The following FHIT variants were observed in gnomAD, a reference collection of about 807,000 sequenced individuals.
FHIT encodes the protein fragile histidine triad diadenosine triphosphatase.
A neutral mutation model predicts 17.9 loss-of-function variants in FHIT; 19 were observed. The observed-to-expected ratio is 1.06, with a 90% CI of 0.74 to 1.56. The LOEUF (loss-of-function observed/expected upper bound fraction) is 1.56. Among genes scored for constraint, FHIT ranks in the 40% most tolerant of loss-of-function variants. The pLI, the probability that FHIT is intolerant of heterozygous loss-of-function variation, is 0.00. For synonymous variants in FHIT, 81 were observed against 69.7 expected (o/e 1.16, Z -0.81); for missense variants, 248 against 189.2 (o/e 1.31, Z -1.82).
At chr3:60,420,083 T>C (rs1576626995) in intron 5 of FHIT, among the ~76,000 whole-genome samples, 1 of 152,158 alleles carries the variant, frequency 6.6e-6, no homozygotes, top group African/African-American at 2.4e-5. Context: ...TTATTCTCTC[T>C]TCCCAGACCA....
At chr3:60,829,174 A>G (rs909422276) in intron 3 of FHIT, among the ~76,000 whole-genome samples, 1 of 152,250 alleles carries the variant, frequency 6.6e-6, no homozygotes, top group Non-Finnish European at 1.5e-5. Flanking sequence ...GAAACACCAT[A>G]GTAAAGACAG....
chr3:60,285,117 G>T (rs1707660550), intron 5 of FHIT, among the ~76,000 whole-genome samples: 1 of 151,952 alleles, frequency 6.6e-6, no homozygotes, highest in South Asian at 2.1e-4. Context: ...AAGTACCCAG[G>T]TCCTCAAAAT....
intron 8 of FHIT, among the ~76,000 whole-genome samples, chr3:59,915,934 A>AC (rs1553714831): frequency 2.6e-5 from 1 of 38,552 alleles, no homozygotes; most frequent in African/African-American, 4.4e-5. Flanking sequence ...CCTGTCTCTT[A>AC]GGGAAAAAAA....
chr3:60,140,573 CTAT>C (rs1699999137), intron 5 of FHIT, among the ~76,000 whole-genome samples: 1 of 121,846 alleles, frequency 8.2e-6, no homozygotes, highest in African/African-American at 3.7e-5. Context: ...GACACAGACT[CTAT>C]TTTTTTTTTT....
At chr3:60,541,886 T>C (rs1381985811) in intron 4 of FHIT, among the ~76,000 whole-genome samples, 1 of 152,240 alleles carries the variant, frequency 6.6e-6, no homozygotes, top group Non-Finnish European at 1.5e-5. Flanking sequence ...CAGGCTCTAC[T>C]TGATGAGCTA....
intron 8 of FHIT, among the ~76,000 whole-genome samples, chr3:59,903,653 C>A (rs1704440529): frequency 1.3e-5 from 2 of 151,996 alleles, no homozygotes; most frequent in African/African-American, 4.8e-5. Flanking sequence ...ATTATTGTAG[C>A]CTGGAGTAGT....
intron 5 of FHIT, among the ~76,000 whole-genome samples, chr3:60,068,583 C>G (rs905906954): frequency 3.3e-5 from 5 of 152,178 alleles, no homozygotes; most frequent in Admixed American, 6.5e-5. Context: ...ATCCTAGGCC[C>G]ATAGTGCTCC....
intron 4 of FHIT, among the ~76,000 whole-genome samples, chr3:60,743,020 C>T (rs1318070337): frequency 1.3e-5 from 2 of 152,198 alleles, no homozygotes; most frequent in Admixed American, 6.5e-5. Context: ...GAAGAGCTAA[C>T]GCTAGGAGAG....
chr3:60,521,917 A>C (rs1182412654), intron 5 of FHIT, among the ~76,000 whole-genome samples: 1 of 152,074 alleles, frequency 6.6e-6, no homozygotes, highest in Non-Finnish European at 1.5e-5. Context: ...AGAGCCTTGT[A>C]ACCATCATTT....
intron 4 of FHIT, among the ~76,000 whole-genome samples, chr3:60,582,333 T>A (rs2037774541): frequency 6.6e-6 from 1 of 152,110 alleles, no homozygotes; most frequent in Non-Finnish European, 1.5e-5. Context: ...CAGAGCAGAC[T>A]GGTGGCATTC....
intron 2 of FHIT, among the ~76,000 whole-genome samples, chr3:61,085,535 A>G (rs1372840556): frequency 6.6e-6 from 1 of 152,134 alleles, no homozygotes; most frequent in African/African-American, 2.4e-5. Context: ...TTTATCAGAT[A>G]TGATTTGCAA....
chr3:60,196,660 A>C (rs1243480513), intron 5 of FHIT, among the ~76,000 whole-genome samples: 1 of 152,164 alleles, frequency 6.6e-6, no homozygotes, highest in Admixed American at 6.5e-5. Context: ...AGACGGAAGC[A>C]GCAATGGCCT....
chr3:60,892,027 G>T (rs782532377), intron 3 of FHIT, among the ~76,000 whole-genome samples: 2 of 152,108 alleles, frequency 1.3e-5, no homozygotes, highest in African/African-American at 2.4e-5. Flanking sequence ...TGGTCTTATG[G>T]CTCCCCAATG....
At chr3:60,940,520 T>C (rs1308623045) in intron 3 of FHIT, among the ~76,000 whole-genome samples, 1 of 152,194 alleles carries the variant, frequency 6.6e-6, no homozygotes, top group Non-Finnish European at 1.5e-5. Context: ...GTTTTTATTA[T>C]ATTCTTTCCG....
chr3:60,857,503 A>G (rs565754828), intron 3 of FHIT, among the ~76,000 whole-genome samples: 12 of 152,038 alleles, frequency 7.9e-5, no homozygotes, highest in African/African-American at 2.7e-4. Context: ...AAGCTTTTCA[A>G]TAAGGGTTTG....
At chr3:59,992,748 G>T (rs143653973) in intron 7 of FHIT, among the ~76,000 whole-genome samples, 168 of 152,154 alleles carry the variant, frequency 1.1e-3, no homozygotes, top group African/African-American at 3.8e-3. Flanking sequence ...GCTGTCATCT[G>T]TGCCACAGAC....
chr3:60,450,044 A>G (rs2031627716), intron 5 of FHIT, among the ~76,000 whole-genome samples: 1 of 150,974 alleles, frequency 6.6e-6, no homozygotes. Flanking sequence ...TAGAAAATGA[A>G]AATGGTAGAC....
At chr3:60,226,551 C>T (rs895167223) in intron 5 of FHIT, among the ~76,000 whole-genome samples, 3 of 151,184 alleles carry the variant, frequency 2.0e-5, no homozygotes, top group African/African-American at 7.3e-5. Context: ...TTACCCTAAG[C>T]CTTTACTGTT....
At chr3:60,984,178 A>C (rs1020911883) in intron 3 of FHIT, among the ~76,000 whole-genome samples, 2 of 152,182 alleles carry the variant, frequency 1.3e-5, no homozygotes, top group African/African-American at 4.8e-5. Flanking sequence ...CACAGCTCTC[A>C]TCATTCTGTA....
Sources: gnomAD v4.1 joint callset for allele counts (sites outside exome capture counted in the v4.1 genomes callset) on GRCh38, gnomAD v4.1.1 for gene constraint, MANE v1.5 for transcripts, NCBI Gene and HGNC (gene_info 2026-07-23, HGNC 2026-07-21) for gene names.